Variants in ZSCAN5A observed in about 807,000 individuals in gnomAD.
ZSCAN5A encodes zinc finger and SCAN domain containing 5A.
Under a neutral mutation model 23.7 loss-of-function variants are expected in ZSCAN5A, and 12 were observed. The observed-to-expected ratio is 0.51, with a 90% CI of 0.32 to 0.82. The LOEUF is 0.82. ZSCAN5A is among the 40% of genes least tolerant of loss of function. The pLI, the probability that ZSCAN5A is intolerant of heterozygous loss-of-function variation, is 0.03. For missense variants in ZSCAN5A, 597 were observed against 617.9 expected (o/e 0.97, Z 0.36); for synonymous variants, 257 against 239.9 (o/e 1.07, Z -0.66).
intron 2 of ZSCAN5A, among the ~76,000 whole-genome samples, chr19:56,336,352 ACT>A (rs2041536107): frequency 6.6e-6 from 1 of 151,756 alleles, no homozygotes; most frequent in Admixed American, 6.6e-5. Flanking sequence ...CATTGCTGAT[ACT>A]CTTTCTTCCA....
chr19:56,312,533 T>G (rs528254837), intron 2 of ZSCAN5A: 3 of 152,268 alleles, frequency 2.0e-5, no homozygotes, highest in Non-Finnish European at 4.4e-5. Context: ...AAATGTCATG[T>G]GGTGTCCCAC....
chr19:56,342,215 C>T (rs1200134025), intron 2 of ZSCAN5A, among the ~76,000 whole-genome samples: 4 of 151,784 alleles, frequency 2.6e-5, no homozygotes, highest in African/African-American at 9.7e-5. Context: ...CTAAATATCA[C>T]TTTTTCTTAA....
chr19:56,362,835 C>T (rs1409505524), intron 2 of ZSCAN5A, among the ~76,000 whole-genome samples: 5 of 149,924 alleles, frequency 3.3e-5, no homozygotes, highest in African/African-American at 7.4e-5. Context: ...CATGCCACTG[C>T]ACTCCAGCCT....
At chr19:56,302,236 C>T (rs1392158484) in intron 2 of ZSCAN5A, 1 of 458,240 alleles carries the variant, frequency 2.2e-6, no homozygotes, top group Admixed American at 4.4e-5. Context: ...GTAAAACACT[C>T]TCTTCTTCCC....
In ZSCAN5A at chr19:56,282,151, C is replaced by T. The variant is rs553645853; in HGVS notation, c.-128+31132G>A. Among the ~76,000 whole-genome samples the T allele has an allele frequency of 1.1e-3, 173 of 152,206 alleles. 1 individual carries two copies. Among genetic ancestry groups the T allele is most frequent in the African/African-American group, 3.7e-3 (155 of 41,520 alleles). ...CGTCTTCCTTTCCCAGAATTAACAT[C>T]CAGTCTCCGGTTGAGAAGTGGAGAT... is the stretch of plus-strand genomic sequence containing the variant. On this transcript the variant is annotated intron_variant, in intron 2 of 5. Transcript: ENST00000683990.
At chr19:56,282,192 T>C (rs2038764995) in intron 2 of ZSCAN5A, among the ~76,000 whole-genome samples, 1 of 152,170 alleles carries the variant, frequency 6.6e-6, no homozygotes, top group African/African-American at 2.4e-5. Context: ...TTGGTTATTA[T>C]GGAGACCTTC....
rs571771063 is a variant in ZSCAN5A, at chr19:56,244,060, C to A, written c.-127-18887G>T. 2,325 of 1,066,150 alleles carry A rather than the reference C, an allele frequency of 2.2e-3. 9 individuals carry two copies. Among genetic ancestry groups the A allele is most frequent in the Middle Eastern group, 0.014 (70 of 4,844 alleles). 66.0% of individuals were successfully genotyped at this position (1,066,150 alleles called of 1,614,324 possible). On this transcript the variant is annotated intron_variant, in intron 2 of 5. Transcript: ENST00000683990. Reference sequence around the variant, plus strand: ...CACCAGATATGGCTGCAAATTGCAACTCCTCATGGGGTCAGGGAGGACCCT... The same window carrying A: ...CACCAGATATGGCTGCAAATTGCAAATCCTCATGGGGTCAGGGAGGACCCT...
At chr19:56,282,488 C>T (rs531217255) in intron 2 of ZSCAN5A, 8 of 985,260 alleles carry the variant, frequency 8.1e-6, no homozygotes, top group Middle Eastern at 5.2e-4. Flanking sequence ...TGTCTGCCAA[C>T]AGTGCTGAAA....
At chr19:56,249,162 A>C (rs752159280) in intron 2 of ZSCAN5A, among the ~76,000 whole-genome samples, 1 of 152,250 alleles carries the variant, frequency 6.6e-6, no homozygotes, top group Non-Finnish European at 1.5e-5. Context: ...TCTTAGTGAT[A>C]GTACCACATC....
intron 2 of ZSCAN5A, among the ~76,000 whole-genome samples, chr19:56,329,732 TGGTA>T (rs974119654): frequency 6.6e-6 from 1 of 152,198 alleles, no homozygotes; most frequent in African/African-American, 2.4e-5. Context: ...TCTCACATCT[TGGTA>T]GGTCAAATAT....
At chr19:56,222,811 C>G in intron 4 of ZSCAN5A, 70 bp from the exon 5 acceptor site, 1 of 1,594,518 alleles carries the variant, frequency 6.3e-7, no homozygotes. Context: ...CATCTGTCCC[C>G]TTCTGATTGG....
chr19:56,300,661 C>CA (rs568185160), intron 2 of ZSCAN5A, among the ~76,000 whole-genome samples: 55 of 152,292 alleles, frequency 3.6e-4, no homozygotes, highest in South Asian at 1.0e-3. Flanking sequence ...ATGCTCTAAG[C>CA]AAAGGGGACA....
intron 2 of ZSCAN5A, among the ~76,000 whole-genome samples, chr19:56,231,996 C>CTTTTCTTTTTTTT (rs1555793341): frequency 8.0e-6 from 1 of 124,986 alleles, no homozygotes; most frequent in African/African-American, 3.0e-5. Flanking sequence ...TTTTTCTTTT[C>CTTTTCTTTTTTTT]TTTTTTTTTG....
chr19:56,305,865 C>G (rs906535129), intron 2 of ZSCAN5A, among the ~76,000 whole-genome samples: 3 of 151,608 alleles, frequency 2.0e-5, no homozygotes, highest in Non-Finnish European at 2.9e-5. Context: ...GTCAGATACA[C>G]AGAAAACAAG....
intron 2 of ZSCAN5A, among the ~76,000 whole-genome samples, chr19:56,311,745 A>G (rs2041050294): frequency 6.6e-6 from 1 of 152,298 alleles, no homozygotes; most frequent in South Asian, 2.1e-4. Context: ...GTGCCATGGT[A>G]GTTTGCTGCC....
chr19:56,329,567 C>T (rs2041470730), intron 2 of ZSCAN5A, among the ~76,000 whole-genome samples: 2 of 151,262 alleles, frequency 1.3e-5, no homozygotes, highest in Admixed American at 1.3e-4. Flanking sequence ...GTACTCTAAT[C>T]CCAAAGCAAG....
At chr19:56,330,000 G>GT (rs2041475251) in intron 2 of ZSCAN5A, among the ~76,000 whole-genome samples, 1 of 152,034 alleles carries the variant, frequency 6.6e-6, no homozygotes, top group Non-Finnish European at 1.5e-5. Context: ...CTCCCCTCTG[G>GT]TACTCCCCAG....
At chr19:56,228,942 C>T (rs1232793450) in intron 2 of ZSCAN5A, among the ~76,000 whole-genome samples, 5 of 152,116 alleles carry the variant, frequency 3.3e-5, no homozygotes, top group East Asian at 3.8e-4. Flanking sequence ...GCACATGGTC[C>T]CCACTCTGCA....
At chr19:56,297,069 CA>C (rs35746489) in intron 2 of ZSCAN5A, among the ~76,000 whole-genome samples, 59 of 145,418 alleles carry the variant, frequency 4.1e-4, no homozygotes, top group Non-Finnish European at 5.4e-4. Flanking sequence ...AACTCTGTCT[CA>C]AAAAAAAAAA....
Sources: gnomAD v4.1 joint callset for allele counts (sites outside exome capture counted in the v4.1 genomes callset) on GRCh38, gnomAD v4.1.1 for gene constraint, MANE v1.5 for transcripts, NCBI Gene and HGNC (gene_info 2026-07-23, HGNC 2026-07-21) for gene names.